The following GABPB1 variants were observed in gnomAD, a reference collection of about 807,000 sequenced individuals.
GABPB1 encodes GA binding protein transcription factor subunit beta 1, also known as GA-binding protein subunit beta-1.
A neutral mutation model predicts 45.9 loss-of-function variants in GABPB1; 15 were observed. The observed-to-expected ratio is 0.33, with a 90% CI of 0.22 to 0.50. The LOEUF is 0.50. GABPB1 is among the 20% of genes least tolerant of loss of function. The probability of loss-of-function intolerance (pLI) is 0.98; values close to 1 mark genes in which losing one functional copy is unlikely to be tolerated. For missense variants in GABPB1, 252 were observed against 457.5 expected, an observed-to-expected ratio of 0.55 and a Z score of 4.10; for synonymous variants, 143 against 154.4, an observed-to-expected ratio of 0.93 and a Z score of 0.55.
intron 1 of GABPB1, among the ~76,000 whole-genome samples, chr15:50,326,830 G>A (rs1295203318): frequency 2.0e-5 from 3 of 148,308 alleles, no homozygotes; most frequent in Non-Finnish European, 3.0e-5. Flanking sequence ...CAAGACCCCC[G>A]TCTTTAAAAA....
At chr15:50,341,349 A>G (rs2048370705) in intron 1 of GABPB1, among the ~76,000 whole-genome samples, 1 of 152,120 alleles carries the variant, frequency 6.6e-6, no homozygotes, top group African/African-American at 2.4e-5. Context: ...CCTGACCAAC[A>G]TGGAGAAACC....
At chr15:50,286,420 G>T (rs774706832) in intron 7 of GABPB1, among the ~76,000 whole-genome samples, 3 of 151,520 alleles carry the variant, frequency 2.0e-5, no homozygotes, top group African/African-American at 4.8e-5. Context: ...TAATTATATA[G>T]ATAATATATT....
intron 1 of GABPB1, among the ~76,000 whole-genome samples, chr15:50,348,057 G>C: frequency 1.7e-5 from 1 of 58,398 alleles, no homozygotes; most frequent in Non-Finnish European, 3.3e-5. Context: ...AAAAAAAAAA[G>C]AATCACTACT....
intron 1 of GABPB1, among the ~76,000 whole-genome samples, chr15:50,313,689 T>C (rs936791235): frequency 1.7e-4 from 26 of 152,072 alleles, no homozygotes; most frequent in Admixed American, 1.0e-3. Flanking sequence ...CAACAAAAAA[T>C]TTATGCCACA....
Position 50,282,560 on chromosome 15 carries a change from G to GAAAAAAAAAAAAAAAAAAAAAAAA in GABPB1, c.999+3507_999+3508insTTTTTTTTTTTTTTTTTTTTTTTT, listed in dbSNP as rs552203074. Among the ~76,000 whole-genome samples, 53 of 88,990 alleles carry GAAAAAAAAAAAAAAAAAAAAAAAA rather than the reference G, an allele frequency of 6.0e-4. 6 individuals carry two copies. Among genetic ancestry groups the GAAAAAAAAAAAAAAAAAAAAAAAA allele is most frequent in the South Asian group, 8.7e-4 (2 of 2,296 alleles). The allele number at this position is 88,990 out of a possible 152,430, so 58.4% of individuals were successfully genotyped here. On this transcript the variant is annotated intron_variant, in intron 8 of 8. Transcript: ENST00000380877. ...CAAAGTGAGACCCTGCCTTAAAAAAGAAAAAAAAAAAAAAACAGAGACGGA... is the reference window on the plus strand; with the variant it reads ...CAAAGTGAGACCCTGCCTTAAAAAAGAAAAAAAAAAAAAAAAAAAAAAAAAAAAAAAAAAAAAAACAGAGACGGA...
chr15:50,354,683 G>A (rs993175840), intron 1 of GABPB1: 2 of 412,724 alleles, frequency 4.8e-6, no homozygotes, highest in African/African-American at 2.2e-5. Flanking sequence ...GTAGCCGCGA[G>A]GCGGCCGCGG....
chr15:50,280,716 G>C (rs1427130210), intron 8 of GABPB1, among the ~76,000 whole-genome samples: 1 of 151,826 alleles, frequency 6.6e-6, no homozygotes, highest in Non-Finnish European at 1.5e-5. Flanking sequence ...CTCCAGCCTG[G>C]GTGACAGAGC....
chr15:50,321,288 A>T (rs1481253355), intron 1 of GABPB1, among the ~76,000 whole-genome samples: 1 of 152,184 alleles, frequency 6.6e-6, no homozygotes, highest in Non-Finnish European at 1.5e-5. Flanking sequence ...TCCCACTATC[A>T]GTGTACAAGA....
intron 6 of GABPB1, among the ~76,000 whole-genome samples, chr15:50,292,962 T>G (rs1464340760): frequency 1.3e-5 from 2 of 150,180 alleles, no homozygotes; most frequent in Admixed American, 6.6e-5. Flanking sequence ...ATCCTCCAAT[T>G]TTTCTGTGGG....
intron 1 of GABPB1, among the ~76,000 whole-genome samples, chr15:50,334,029 T>G (rs2048033520): frequency 1.2e-5 from 1 of 84,904 alleles, no homozygotes; most frequent in African/African-American, 3.7e-5. Context: ...AAACTCGATC[T>G]CAAAAAAAAA....
chr15:50,307,609 G>C (rs986086239), intron 2 of GABPB1, among the ~76,000 whole-genome samples: 1 of 151,794 alleles, frequency 6.6e-6, no homozygotes, highest in African/African-American at 2.4e-5. Context: ...GGCTGAGGCA[G>C]GAGAATCACT....
chr15:50,300,435 GGTTTTTTTTTTT>G (rs1187193418), intron 6 of GABPB1, among the ~76,000 whole-genome samples: 2 of 60,806 alleles, frequency 3.3e-5, no homozygotes, highest in Non-Finnish European at 6.0e-5. Flanking sequence ...AACTGTTTTT[GGTTTTTTTTTTT>G]TTTTTTTTTT....
chr15:50,338,292 G>C (rs1258279827), intron 1 of GABPB1, among the ~76,000 whole-genome samples: 1 of 151,796 alleles, frequency 6.6e-6, no homozygotes, highest in South Asian at 2.1e-4. Context: ...TGCCCACCTC[G>C]ACCTCCCAAA....
At chr15:50,354,560 T>A (rs1487134082) in intron 1 of GABPB1, 1 of 449,442 alleles carries the variant, frequency 2.2e-6, no homozygotes, top group East Asian at 7.5e-5. Flanking sequence ...CAGCCGCGCC[T>A]GCCTTCCTCT....
At chr15:50,296,942 C>T (rs1429404265) in intron 6 of GABPB1, among the ~76,000 whole-genome samples, 3 of 146,448 alleles carry the variant, frequency 2.0e-5, no homozygotes, top group African/African-American at 7.6e-5. Flanking sequence ...ACAGAGTCTC[C>T]CTGTGTTGCC....
chr15:50,279,827 G>A (rs1048106706), intron 8 of GABPB1, among the ~76,000 whole-genome samples: 1 of 152,172 alleles, frequency 6.6e-6, no homozygotes, highest in African/African-American at 2.4e-5. Flanking sequence ...AAGACACTTG[G>A]CCAGAGAGAA....
chr15:50,290,555 C>T lies in GABPB1; in HGVS notation c.698-887G>A, dbSNP rs547910715. On this transcript the variant is annotated intron_variant, in intron 6 of 8. Coordinates refer to ENST00000380877, the MANE Select transcript of GABPB1 (RefSeq NM_016654.5). Reference sequence around the variant, plus strand: ...GCAATGAGAAGAGATCATGCCACTGCCCTCTACACTGGGCAACAAAACAAG... The same window carrying T: ...GCAATGAGAAGAGATCATGCCACTGTCCTCTACACTGGGCAACAAAACAAG... Among the ~76,000 whole-genome samples, 3 of 151,322 alleles carry T rather than the reference C, an allele frequency of 2.0e-5. No homozygotes were observed. In the South Asian group the frequency reaches 6.3e-4, roughly 32 times the overall value.
chr15:50,313,474 A>G (rs992148013), intron 1 of GABPB1, among the ~76,000 whole-genome samples: 3 of 152,176 alleles, frequency 2.0e-5, no homozygotes, highest in African/African-American at 4.8e-5. Context: ...CATTGACCCA[A>G]TAAGTGATCC....
intron 1 of GABPB1, among the ~76,000 whole-genome samples, chr15:50,325,904 T>G (rs566828811): frequency 6.3e-5 from 7 of 110,604 alleles, no homozygotes; most frequent in East Asian, 4.1e-4. Flanking sequence ...GATATAAGGG[T>G]TTTTTTTGTT....
Sources: gnomAD v4.1 joint callset for allele counts (sites outside exome capture counted in the v4.1 genomes callset) on GRCh38, gnomAD v4.1.1 for gene constraint, MANE v1.5 for transcripts, NCBI Gene and HGNC (gene_info 2026-07-23, HGNC 2026-07-21) for gene names.